Variants in ADARB2 observed in about 807,000 individuals in gnomAD.
The protein encoded by ADARB2 is inactive double-stranded RNA-specific editase B2.
ADARB2 carries 25 observed loss-of-function variants against 62.2 expected under a neutral mutation model. That is an observed-to-expected ratio of 0.40 (90% CI 0.29 to 0.56). The LOEUF is 0.56. Among genes scored for constraint, ADARB2 ranks in the 20% least tolerant of loss-of-function variants. ADARB2 has a pLI of 0.43. For synonymous variants in ADARB2, 572 were observed against 500.8 expected (o/e 1.14, Z -1.90); for missense variants, 1,071 against 1,077.4 (o/e 0.99, Z 0.08).
At chr10:1,695,832 GCATGTGTGTGTACATGTGTGCATC>G (rs1317606292) in intron 1 of ADARB2, among the ~76,000 whole-genome samples, 1 of 149,540 alleles carries the variant, frequency 6.7e-6, no homozygotes, top group African/African-American at 2.5e-5. Context: ...GAGAGTGCAT[GCATGTGTGTGTACATGTGTGCATC>G]CATGTACACA....
At chr10:1,513,971 C>T (rs1189549112) in intron 1 of ADARB2, among the ~76,000 whole-genome samples, 1 of 151,288 alleles carries the variant, frequency 6.6e-6, no homozygotes, top group African/African-American at 2.4e-5. Context: ...GCTTGTAATC[C>T]CAGCATTGTG....
At chr10:1,633,384 A>G (rs1249053975) in intron 1 of ADARB2, among the ~76,000 whole-genome samples, 1 of 152,204 alleles carries the variant, frequency 6.6e-6, no homozygotes, top group Non-Finnish European at 1.5e-5. Flanking sequence ...ATTTCAAAGG[A>G]AATGCTCACC....
At chr10:1,186,018 A>C (rs1010208404) in intron 8 of ADARB2, among the ~76,000 whole-genome samples, 1 of 151,802 alleles carries the variant, frequency 6.6e-6, no homozygotes, top group African/African-American at 2.4e-5. Flanking sequence ...ATGTCTGGAA[A>C]CTCCAGGGGG....
At chr10:1,343,684 A>AT (rs1459040305) in intron 3 of ADARB2, among the ~76,000 whole-genome samples, 1 of 152,254 alleles carries the variant, frequency 6.6e-6, no homozygotes, top group East Asian at 1.9e-4. Flanking sequence ...ATGGAATACT[A>AT]TGCAGCCATA....
intron 1 of ADARB2, among the ~76,000 whole-genome samples, chr10:1,412,143 CT>C (rs1832764770): frequency 6.6e-6 from 1 of 152,078 alleles, no homozygotes; most frequent in African/African-American, 2.4e-5. Context: ...GTCAAGGGCC[CT>C]TTTCTCCGCT....
chr10:1,556,583 C>A (rs777654414), intron 1 of ADARB2: 11 of 450,690 alleles, frequency 2.4e-5, no homozygotes, highest in Non-Finnish European at 5.1e-5. Context: ...AGGGCCTGAG[C>A]ATTTGCTTTT....
At chr10:1,373,799 T>C (rs11250477) in intron 2 of ADARB2, among the ~76,000 whole-genome samples, 12,444 of 35,484 alleles carry the variant, frequency 0.35, 2,258 homozygotes, top group South Asian at 0.58. Context: ...TCCGCGCACC[T>C]TTCCTAGTGA....
At chr10:1,484,638 T>A (rs1192882870) in intron 1 of ADARB2, among the ~76,000 whole-genome samples, 1 of 152,234 alleles carries the variant, frequency 6.6e-6, no homozygotes, top group Non-Finnish European at 1.5e-5. Flanking sequence ...CTATGGCAGC[T>A]ACACTCATTG....
At chr10:1,723,057 G>T (rs1303327157) in intron 1 of ADARB2, among the ~76,000 whole-genome samples, 1 of 152,192 alleles carries the variant, frequency 6.6e-6, no homozygotes, top group Non-Finnish European at 1.5e-5. Flanking sequence ...GACAACACAT[G>T]TCACTAAGGT....
chr10:1,394,502 T>G (rs1260741807), intron 1 of ADARB2, among the ~76,000 whole-genome samples: 1 of 152,232 alleles, frequency 6.6e-6, no homozygotes. Context: ...ATTCATCATG[T>G]TCACCAATCT....
At chr10:1,485,007 C>T (rs538880735) in intron 1 of ADARB2, among the ~76,000 whole-genome samples, 4 of 151,888 alleles carry the variant, frequency 2.6e-5, no homozygotes, top group African/African-American at 9.7e-5. Flanking sequence ...GGTATGTATA[C>T]AGGTACATAT....
chr10:1,527,818 C>T (rs1328951074), intron 1 of ADARB2, among the ~76,000 whole-genome samples: 3 of 152,236 alleles, frequency 2.0e-5, no homozygotes, highest in East Asian at 1.9e-4. Flanking sequence ...ATCAGATGGA[C>T]GACAGGGGAG....
At chr10:1,682,497 G>A (rs1482619013) in intron 1 of ADARB2, among the ~76,000 whole-genome samples, 2 of 152,224 alleles carry the variant, frequency 1.3e-5, no homozygotes, top group African/African-American at 4.8e-5. Context: ...GACCCGAAAG[G>A]ACCACGGGTA....
chr10:1,272,227 A>G (rs1831269388), intron 3 of ADARB2, among the ~76,000 whole-genome samples: 2 of 152,094 alleles, frequency 1.3e-5, no homozygotes, highest in African/African-American at 2.4e-5. Flanking sequence ...GGGCTTCCCC[A>G]TTACCACCAG....
intron 1 of ADARB2, among the ~76,000 whole-genome samples, chr10:1,682,461 C>G (rs979080743): frequency 1.3e-5 from 2 of 152,216 alleles, no homozygotes; most frequent in African/African-American, 4.8e-5. Context: ...AACCAACCAA[C>G]CAAGCAAAAA....
At chr10:1,351,885 C>G (rs890355274) in intron 3 of ADARB2, among the ~76,000 whole-genome samples, 2 of 149,426 alleles carry the variant, frequency 1.3e-5, no homozygotes, top group Non-Finnish European at 2.9e-5. Context: ...CCTTATCAAC[C>G]AAATTGTTTT....
intron 8 of ADARB2, among the ~76,000 whole-genome samples, chr10:1,194,990 C>G (rs1254557724): frequency 6.6e-6 from 1 of 152,182 alleles, no homozygotes; most frequent in Non-Finnish European, 1.5e-5. Context: ...AGAGGACCAT[C>G]TTAATTTAAG....
intron 6 of ADARB2, among the ~76,000 whole-genome samples, chr10:1,227,735 C>T (rs573051668): frequency 1.3e-5 from 2 of 151,974 alleles, no homozygotes; most frequent in South Asian, 2.1e-4. Flanking sequence ...AGAGAGAGCA[C>T]CAAAAATGAA....
At chr10:1,449,237 TCTGCCTCGGTCAGGG>T (rs1337441362) in intron 1 of ADARB2, among the ~76,000 whole-genome samples, 1 of 152,160 alleles carries the variant, frequency 6.6e-6, no homozygotes, top group East Asian at 1.9e-4. Flanking sequence ...TGCCCAAGAC[TCTGCCTCGGTCAGGG>T]CTGCCCTTTG....
Sources: gnomAD v4.1 joint callset for allele counts (sites outside exome capture counted in the v4.1 genomes callset) on GRCh38, gnomAD v4.1.1 for gene constraint, MANE v1.5 for transcripts, NCBI Gene and HGNC (gene_info 2026-07-23, HGNC 2026-07-21) for gene names.